CTH: variants seen among roughly 807,000 people sequenced by gnomAD.
CTH encodes the protein cystathionine gamma-lyase.
A neutral mutation model predicts 50.6 loss-of-function variants in CTH; 41 were observed. The ratio of observed to expected loss-of-function variants is 0.81; its 90% CI spans 0.63 to 1.05. CTH has a LOEUF of 1.05. Ranked by LOEUF, CTH falls within the 50% of genes least tolerant of loss-of-function variation. The pLI, the probability that CTH is intolerant of heterozygous loss-of-function variation, is 0.00. For missense variants in CTH, 470 were observed against 492.6 expected, an observed-to-expected ratio of 0.95 and a Z score of 0.43; for synonymous variants, 156 against 168.9, an observed-to-expected ratio of 0.92 and a Z score of 0.59.
intron 5 of CTH, among the ~76,000 whole-genome samples, chr1:70,425,386 A>C (rs938238936): frequency 6.6e-6 from 1 of 152,192 alleles, no homozygotes; most frequent in African/African-American, 2.4e-5. Context: ...TCAAAGTGCC[A>C]GCAGATTCAG....
At chr1:70,426,558 C>T (rs894905538) in intron 5 of CTH, among the ~76,000 whole-genome samples, 5 of 152,146 alleles carry the variant, frequency 3.3e-5, no homozygotes, top group African/African-American at 9.7e-5. Context: ...CCATTTTATT[C>T]GAAGGCATTG....
In CTH at chr1:70,430,209, G is replaced by C; in HGVS notation, c.647-108G>C. The C allele has an allele frequency of 8.3e-6, 6 of 723,650 alleles. 1 individual carries two copies. In the South Asian group the frequency reaches 9.4e-5, roughly 11 times the overall value. 44.8% of individuals were successfully genotyped at this position (723,650 alleles called of 1,614,324 possible). A position where few individuals can be genotyped will look rare whatever the true frequency, so the allele number is the denominator to read the frequency against. On this transcript the variant is annotated intron_variant, in intron 6 of 11. Transcript: ENST00000370938. ...ACTTATTTTATAGAGCTTTTTCCCTGAGAGTTTTTTCAAGTGAAAATCACA... is the reference window on the plus strand; with the variant it reads ...ACTTATTTTATAGAGCTTTTTCCCTCAGAGTTTTTTCAAGTGAAAATCACA...
At chr1:70,430,436 G>T in intron 7 of CTH, 42 bp downstream of exon 7, 1 of 901,974 alleles carries the variant, frequency 1.1e-6, no homozygotes, top group South Asian at 1.3e-5. Flanking sequence ...CACTCTCAGT[G>T]ACTACATTTG....
rs748018656 is a variant in CTH at position 70,435,157 on chromosome 1, C to T, written c.1032C>T (p.Phe344=). 1.3e-5 allele frequency: 21 copies of T among 1,612,806 alleles called. No individual in the cohort carries two copies. The highest frequency in any genetic ancestry group is 1.1e-4 in the South Asian group (10 of 90,968). The change falls in exon 10 of 12, where the codon TTC becomes TTT. Residue 344 remains phenylalanine, a synonymous_variant. Transcript: ENST00000370938. ...CTCTGGCCGAGAGCTTGGGAGGATT[C>T]GAAAGCCTTGCTGAGCTTCCGTAAG... ...LFTLAESLGG[F]ESLAELPAIM...
chr1:70,423,634 C>A (rs1218583900), intron 4 of CTH, among the ~76,000 whole-genome samples: 1 of 151,100 alleles, frequency 6.6e-6, no homozygotes, highest in African/African-American at 2.4e-5. Context: ...GAATTCTTTT[C>A]TTTGGTCTTT....
rs1684222892 is a variant in CTH, at chr1:70,421,592, G to C, written c.373G>C (p.Ala125Pro). 1 of 1,613,748 alleles carries C rather than the reference G, an allele frequency of 6.2e-7. No individual in the cohort carries two copies. Among genetic ancestry groups the C allele is most frequent in the Admixed American group, 1.7e-5 (1 of 59,994 alleles). Residue 125 changes from alanine to proline, a missense_variant, in exon 4 of 12, where the codon GCA becomes CCA. Coordinates refer to ENST00000370938, the MANE Select transcript of CTH (RefSeq NM_001902.6). ...GGTNRYFRQV[A>P]SEFGLKISFV... Reference sequence around the variant, plus strand: ...TACAAACAGGTACTTCAGGCAAGTGGCATCTGAATTTGGATTAAAGATTTC... The same window carrying C: ...TACAAACAGGTACTTCAGGCAAGTGCCATCTGAATTTGGATTAAAGATTTC...
At chr1:70,433,781 T>C in intron 8 of CTH, 47 bp from the exon 9 acceptor site, 1 of 1,608,346 alleles carries the variant, frequency 6.2e-7, no homozygotes, top group Non-Finnish European at 8.5e-7. Flanking sequence ...CCCCAAAAAT[T>C]ACATGTTTAA....
At chr1:70,421,519 C>G (rs1284637734) in intron 3 of CTH, 47 bp from the exon 4 acceptor site, 1 of 1,579,556 alleles carries the variant, frequency 6.3e-7, no homozygotes. Flanking sequence ...ATGAATGTTT[C>G]TTAATGCAAT....
At position 70,432,243 on chromosome 1, in the gene CTH, A is replaced by C. The variant is rs1226802763; in HGVS notation, c.877+8A>C. 2 of 1,613,924 alleles carry C rather than the reference A, an allele frequency of 1.2e-6. No homozygotes were observed. Among genetic ancestry groups the C allele is most frequent in the African/African-American group, 1.3e-5 (1 of 74,940 alleles). On this transcript the variant is annotated splice_region_variant and intron_variant, in intron 8 of 11. Transcript: ENST00000370938. The stretch of plus-strand genomic sequence containing the variant: ...AAAAGGTTATTTATCCTGGTATGTT[A>C]ATTTGATTTCTAAGCAGATCTACTA...
chr1:70,434,665 A>C (rs1684554726), intron 9 of CTH, among the ~76,000 whole-genome samples: 1 of 152,030 alleles, frequency 6.6e-6, no homozygotes. Context: ...TATATTAACA[A>C]GGAAGTATGT....
At chr1:70,418,065 C>G (rs1233352942) in intron 3 of CTH, 33 bp downstream of exon 3, 4 of 1,601,590 alleles carry the variant, frequency 2.5e-6, no homozygotes, top group Non-Finnish European at 3.4e-6. Context: ...ATTCTGTAAA[C>G]TTGTATTTTA....
intron 10 of CTH, 120 bp from the exon 11 acceptor site, chr1:70,438,568 G>A: frequency 2.9e-6 from 3 of 1,023,922 alleles, no homozygotes; most frequent in Non-Finnish European, 4.6e-6. Flanking sequence ...AATTATAGGG[G>A]TATGCAAAAT....
intron 2 of CTH, among the ~76,000 whole-genome samples, chr1:70,416,559 A>AT (rs34806645): frequency 0.26 from 29,516 of 115,624 alleles, 4,111 homozygotes; most frequent in Non-Finnish European, 0.31. Context: ...CACCCTGCTA[A>AT]TTTTTTTTTT....
In CTH at chr1:70,411,328, C is replaced by A; in HGVS notation, c.-88C>A. 7.3e-7 allele frequency: 1 copy of A among 1,364,682 alleles called. No homozygotes were observed. The highest frequency in any genetic ancestry group is 1.2e-5 in the South Asian group (1 of 85,756). 84.5% of individuals were successfully genotyped at this position (1,364,682 alleles called of 1,614,324 possible). On this transcript the variant is annotated 5_prime_UTR_variant, in exon 1 of 12. Transcript: ENST00000370938. Reference sequence around the variant, plus strand: ...GTGCTTTAGCTCCTTCTCGCCTGATCCTTCTGTCTCTCCCAACCCCGGACA... The same window carrying A: ...GTGCTTTAGCTCCTTCTCGCCTGATACTTCTGTCTCTCCCAACCCCGGACA...
intron 5 of CTH, among the ~76,000 whole-genome samples, chr1:70,429,309 C>T (rs1684414622): frequency 6.6e-6 from 1 of 152,144 alleles, no homozygotes; most frequent in African/African-American, 2.4e-5. Context: ...GAATCAAGAT[C>T]ATGACAAACC....
intron 5 of CTH, among the ~76,000 whole-genome samples, chr1:70,426,881 C>T (rs977916045): frequency 2.0e-5 from 3 of 152,148 alleles, no homozygotes; most frequent in Admixed American, 6.5e-5. Flanking sequence ...AAAAAGATTG[C>T]ATACGTTTTG....
At chr1:70,424,797 C>T (rs1053850594) in intron 5 of CTH, among the ~76,000 whole-genome samples, 45 of 151,966 alleles carry the variant, frequency 3.0e-4, no homozygotes, top group Non-Finnish European at 6.0e-4. Flanking sequence ...GGCGCAGTGG[C>T]GGGTGCCTGT....
rs1240924644 is a variant in CTH at position 70,439,197 on chromosome 1, ACAATGAGCCTTTG to A, written c.*74_*86del. On this transcript the variant is annotated 3_prime_UTR_variant, in exon 12 of 12. Coordinates refer to ENST00000370938, the MANE Select transcript of CTH (RefSeq NM_001902.6). ...TCTTCCTGAGTAATTAAATGGACCA[ACAATGAGCCTTTG>A]CAAAATTTTCAAGCGGAAATTTTAA... The A allele has an allele frequency of 2.8e-6, 4 of 1,451,322 alleles. No individual in the cohort carries two copies. The East Asian group carries it at 9.1e-5, about 33-fold the overall frequency. The allele number at this position is 1,451,322 out of a possible 1,614,324, so 89.9% of individuals were successfully genotyped here. A position where few individuals can be genotyped will look rare whatever the true frequency, so the allele number is the denominator to read the frequency against.
chr1:70,429,919 T>A, intron 6 of CTH, 68 bp downstream of exon 6: 1 of 1,102,904 alleles, frequency 9.1e-7, no homozygotes. Flanking sequence ...TGGCTTTTGA[T>A]CCCTTTTCTT....
Sources: gnomAD v4.1 joint callset for allele counts (sites outside exome capture counted in the v4.1 genomes callset) on GRCh38, gnomAD v4.1.1 for gene constraint, MANE v1.5 for transcripts, NCBI Gene and HGNC (gene_info 2026-07-23, HGNC 2026-07-21) for gene names.